The following GMDS variants were observed in gnomAD, a reference collection of about 807,000 sequenced individuals.
GMDS encodes GDP-mannose 4,6 dehydratase.
A neutral mutation model predicts 49.9 loss-of-function variants in GMDS; 20 were observed. That is an observed-to-expected ratio of 0.40 (90% CI 0.28 to 0.58). The LOEUF (loss-of-function observed/expected upper bound fraction) is 0.58, where lower values mean the gene tolerates loss of function less well. Ranked by LOEUF, GMDS falls within the 20% of genes least tolerant of loss-of-function variation. GMDS has a pLI of 0.42. For synonymous variants in GMDS, 177 were observed against 178.6 expected (o/e 0.99, Z 0.07); for missense variants, 362 against 481.4 (o/e 0.75, Z 2.32).
chr6:2,198,316 G>T (rs1348961919), intron 1 of GMDS, among the ~76,000 whole-genome samples: 2 of 152,106 alleles, frequency 1.3e-5, no homozygotes, highest in Non-Finnish European at 2.9e-5. Flanking sequence ...CTGTCAACAG[G>T]CATATCCTCA....
intron 1 of GMDS, among the ~76,000 whole-genome samples, chr6:2,228,759 A>T (rs1780936320): frequency 6.6e-6 from 1 of 152,226 alleles, no homozygotes; most frequent in African/African-American, 2.4e-5. Flanking sequence ...CTTTCTCAGT[A>T]CAACTGTGTA....
chr6:2,003,720 T>C (rs1158543428), intron 4 of GMDS, among the ~76,000 whole-genome samples: 1 of 152,184 alleles, frequency 6.6e-6, no homozygotes, highest in Non-Finnish European at 1.5e-5. Flanking sequence ...TGAAACAACT[T>C]GCTGTGCAAT....
intron 1 of GMDS, among the ~76,000 whole-genome samples, chr6:2,162,659 A>AAC (rs67198377): frequency 0.086 from 11,723 of 135,580 alleles, 522 homozygotes; most frequent in East Asian, 0.11. Flanking sequence ...ATAACATTCC[A>AAC]ACACACACAC....
chr6:2,167,247 A>G (rs1199089173), intron 1 of GMDS, among the ~76,000 whole-genome samples: 2 of 152,158 alleles, frequency 1.3e-5, no homozygotes, highest in African/African-American at 4.8e-5. Context: ...CAAAATGGGA[A>G]AGTCATCCTA....
chr6:1,877,437 C>T (rs192030817), intron 7 of GMDS, among the ~76,000 whole-genome samples: 3 of 151,736 alleles, frequency 2.0e-5, no homozygotes, highest in Admixed American at 6.6e-5. Context: ...GAAAGGAGTT[C>T]GAGACCAGCC....
At chr6:1,704,274 G>A (rs1022011413) in intron 9 of GMDS, among the ~76,000 whole-genome samples, 11 of 151,216 alleles carry the variant, frequency 7.3e-5, no homozygotes, top group African/African-American at 2.7e-4. Context: ...CTGAATAAAG[G>A]CACTGAGATT....
At position 1,827,244 on chromosome 6, in the gene GMDS, A is replaced by AAT. The variant is rs1371831713; in HGVS notation, c.772-84660_772-84659dup. On this transcript the variant is annotated intron_variant, in intron 7 of 10. Coordinates refer to ENST00000380815, the MANE Select transcript of GMDS (RefSeq NM_001500.4). ...CAAGGGATTGAATACAATGTTTTGG[A>AAT]ATATATATATATGTATAAATACATG... Among the ~76,000 whole-genome samples the AAT allele has an allele frequency of 5.4e-4, 82 of 151,234 alleles. No homozygotes were observed. In the Middle Eastern group the frequency reaches 0.01, roughly 19 times the overall value.
At chr6:1,662,483 T>C (rs1251120478) in intron 9 of GMDS, among the ~76,000 whole-genome samples, 1 of 152,100 alleles carries the variant, frequency 6.6e-6, no homozygotes, top group Non-Finnish European at 1.5e-5. Context: ...GGGTGACCAG[T>C]ACCTTGGAAT....
At chr6:2,028,807 A>T (rs2127414164) in intron 4 of GMDS, among the ~76,000 whole-genome samples, 1 of 152,296 alleles carries the variant, frequency 6.6e-6, no homozygotes, top group East Asian at 1.9e-4. Flanking sequence ...TTATGAAATG[A>T]TTTATGTGTT....
intron 1 of GMDS, among the ~76,000 whole-genome samples, chr6:2,138,664 C>T (rs1418836597): frequency 6.6e-6 from 1 of 152,152 alleles, no homozygotes; most frequent in African/African-American, 2.4e-5. Context: ...GCCAAATAAG[C>T]CTCTTTTCTT....
intron 7 of GMDS, among the ~76,000 whole-genome samples, chr6:1,842,991 C>T (rs563919795): frequency 3.0e-4 from 46 of 151,942 alleles, no homozygotes; most frequent in South Asian, 1.7e-3. Flanking sequence ...CCTGTAGTCC[C>T]GGCTACTTAG....
chr6:1,769,425 T>TG (rs754195997), intron 7 of GMDS, among the ~76,000 whole-genome samples: 10 of 152,258 alleles, frequency 6.6e-5, no homozygotes, highest in Non-Finnish European at 1.2e-4. Flanking sequence ...ACTGAAGCTA[T>TG]GAAAACACAA....
intron 1 of GMDS, among the ~76,000 whole-genome samples, chr6:2,133,314 G>C (rs1775839163): frequency 6.6e-6 from 1 of 152,108 alleles, no homozygotes; most frequent in Non-Finnish European, 1.5e-5. Context: ...CCTGGCTAAG[G>C]CAGGAAGGCA....
At chr6:1,943,657 T>G (rs745370372) in intron 6 of GMDS, among the ~76,000 whole-genome samples, 1 of 152,216 alleles carries the variant, frequency 6.6e-6, no homozygotes, top group Non-Finnish European at 1.5e-5. Flanking sequence ...GATACATTTA[T>G]TTTTCAAGGA....
At chr6:1,886,200 A>T (rs570977345) in intron 7 of GMDS, among the ~76,000 whole-genome samples, 1 of 152,356 alleles carries the variant, frequency 6.6e-6, no homozygotes, top group African/African-American at 2.4e-5. Flanking sequence ...ATCAAGTTCA[A>T]TCTCCATTAG....
At chr6:1,624,308 C>T in intron 10 of GMDS, 77 bp from the exon 11 acceptor site, 1 of 1,390,138 alleles carries the variant, frequency 7.2e-7, no homozygotes. Context: ...GGTGTCGGCC[C>T]CAGAGAGGCC....
chr6:1,803,072 G>A (rs1365472526), intron 7 of GMDS, among the ~76,000 whole-genome samples: 1 of 152,200 alleles, frequency 6.6e-6, no homozygotes, highest in Non-Finnish European at 1.5e-5. Flanking sequence ...GTTCAATTAA[G>A]ATCTAGTTAA....
chr6:1,991,506 A>G (rs745947398), intron 4 of GMDS, among the ~76,000 whole-genome samples: 1 of 152,184 alleles, frequency 6.6e-6, no homozygotes, highest in Non-Finnish European at 1.5e-5. Context: ...AGGGTGGCCA[A>G]TGATAGGCTT....
intron 1 of GMDS, among the ~76,000 whole-genome samples, chr6:2,145,885 C>G (rs372782204): frequency 6.6e-6 from 1 of 152,106 alleles, no homozygotes; most frequent in African/African-American, 2.4e-5. Context: ...GGAGGATGTA[C>G]GTAAGTTATA....
Sources: allele counts gnomAD v4.1 joint callset (sites outside exome capture counted in the v4.1 genomes callset), GRCh38; gene constraint gnomAD v4.1.1; transcripts MANE v1.5; gene names NCBI Gene and HGNC (gene_info 2026-07-23, HGNC 2026-07-21).